The following CEP295 variants were observed in gnomAD, a reference collection of about 807,000 sequenced individuals.
The protein encoded by CEP295 is centrosomal protein of 295 kDa.
A neutral mutation model predicts 291.6 loss-of-function variants in CEP295; 190 were observed. That is an observed-to-expected ratio of 0.65 (90% CI 0.58 to 0.73). The LOEUF is 0.73. Among genes scored for constraint, CEP295 ranks in the 30% least tolerant of loss-of-function variants. The pLI is 0.00. For synonymous variants in CEP295, 993 were observed against 1,038.8 expected, an observed-to-expected ratio of 0.96 and a Z score of 0.85; for missense variants, 2,863 against 2,949.4, an observed-to-expected ratio of 0.97 and a Z score of 0.68.
In CEP295 at chr11:93,684,146, C is replaced by A; in HGVS notation, c.1114+18C>A. The stretch of plus-strand genomic sequence containing the variant: ...AACAGATGGTAAAAACCCTTCTGAG[C>A]TAAATATTACAGTATTTCACAGAAA... On this transcript the variant is annotated intron_variant, in intron 9 of 29. Coordinates refer to ENST00000325212, the MANE Select transcript of CEP295 (RefSeq NM_033395.2). 1 of 1,540,360 alleles carries A rather than the reference C, an allele frequency of 6.5e-7. No individual in the cohort carries two copies. The highest frequency in any genetic ancestry group is 8.8e-7 in the Non-Finnish European group (1 of 1,141,750).
At chr11:93,727,751 C>A in intron 24 of CEP295, 114 bp downstream of exon 24, 1 of 826,080 alleles carries the variant, frequency 1.2e-6, no homozygotes, top group Non-Finnish European at 1.9e-6. Flanking sequence ...TGAACTCAAA[C>A]TCCTAGGATC....
In CEP295 at chr11:93,699,993, T is replaced by A; in HGVS notation, c.5081T>A (p.Leu1694His). 1.3e-6 allele frequency: 2 copies of A among 1,551,736 alleles called. No homozygotes were observed. The highest frequency in any genetic ancestry group is 1.7e-6 in the Non-Finnish European group (2 of 1,147,000). The change falls in exon 15 of 30, where the codon CTT (leucine) becomes CAT (histidine). Residue 1694 changes from leucine to histidine, a missense_variant. Leu to His is a moderately conservative substitution (Grantham distance 99). Transcript: ENST00000325212. ...NPVIPGFQDRLLSFSQSVLTQ... is the reference protein window; with the variant it reads ...NPVIPGFQDRHLSFSQSVLTQ... ...GTGATCCCAGGGTTTCAAGATAGAC[T>A]TTTGAGTTTTTCACAGTCTGTCTTA...
chr11:93,688,297 GT>G (rs1306928256), intron 10 of CEP295, among the ~76,000 whole-genome samples: 2 of 152,132 alleles, frequency 1.3e-5, no homozygotes, highest in African/African-American at 4.8e-5. Context: ...TAGGTATTTA[GT>G]TTCTTATTTG....
rs1952238539 is a variant in CEP295 at position 93,702,584 on chromosome 11, A to G, written c.5399A>G (p.Asn1800Ser). The G allele has an allele frequency of 7.1e-6, 11 of 1,551,126 alleles. No individual in the cohort carries two copies. Among genetic ancestry groups the G allele is most frequent in the Non-Finnish European group, 9.6e-6 (11 of 1,146,798 alleles). ...GAAAATATTAGGCATGCAGATAGGA[A>G]CAACTCTGATGATAATCATTTGGCT... Reference protein sequence around the residue: ...DQENIRHADRNNSDDNHLASE... With the variant: ...DQENIRHADRSNSDDNHLASE... Residue 1800 changes from asparagine to serine, a missense_variant, in exon 16 of 30, where the codon AAC (asparagine) becomes AGC (serine). Transcript: ENST00000325212.
intron 18 of CEP295, among the ~76,000 whole-genome samples, chr11:93,710,936 C>T (rs924124276): frequency 6.6e-6 from 1 of 152,134 alleles, no homozygotes; most frequent in African/African-American, 2.4e-5. Flanking sequence ...CTTTAAATTT[C>T]TGCAGTATCT....
chr11:93,692,181 C>T (rs1039804838), intron 12 of CEP295, among the ~76,000 whole-genome samples, 151 bp downstream of exon 12: 2 of 152,260 alleles, frequency 1.3e-5, no homozygotes, highest in South Asian at 2.1e-4. Context: ...TGATAAAATG[C>T]GTGTTGTCTT....
At chr11:93,691,451 A>G (rs1350124822) in intron 10 of CEP295, among the ~76,000 whole-genome samples, 1 of 152,200 alleles carries the variant, frequency 6.6e-6, no homozygotes, top group African/African-American at 2.4e-5. Flanking sequence ...CAGCGTATCT[A>G]TTAAATCAGT....
At chr11:93,692,101 T>C in intron 12 of CEP295, 71 bp downstream of exon 12, 1 of 830,992 alleles carries the variant, frequency 1.2e-6, no homozygotes, top group Non-Finnish European at 1.9e-6. Context: ...GTTTGGCCAA[T>C]GAAATTTGTC....
In CEP295 at chr11:93,699,479, C is replaced by G; in HGVS notation, c.4567C>G (p.Gln1523Glu). Residue 1523 changes from glutamine to glutamate, a missense_variant, in exon 15 of 30, where the codon CAG becomes GAG. By Grantham distance (29) the Gln-to-Glu change is conservative (BLOSUM62 2). Transcript: ENST00000325212. ...DTQKKAIRSI[Q>E]EVQEELLLQR... The stretch of plus-strand genomic sequence containing the variant: ...ACAGAAGAAAGCCATTCGATCTATA[C>G]AGGAAGTCCAAGAAGAATTGCTTTT... 1 of 1,551,744 alleles carries G rather than the reference C, an allele frequency of 6.4e-7. No individual in the cohort carries two copies. The highest frequency in any genetic ancestry group is 8.7e-7 in the Non-Finnish European group (1 of 1,147,000).
chr11:93,714,275 G>A lies in CEP295; in HGVS notation c.5750-7037G>A, dbSNP rs193284840. ...TTTCTTTCTTTTCTTTTTTTGAGAC[G>A]GAGTCTTGTTCTGTCTCCAGGCTGG... On this transcript the variant is annotated intron_variant, in intron 18 of 29. Coordinates refer to ENST00000325212, the MANE Select transcript of CEP295 (RefSeq NM_033395.2). Among the ~76,000 whole-genome samples, 566 of 152,096 alleles carry A rather than the reference G, an allele frequency of 3.7e-3. 3 individuals are homozygous for A. The highest frequency in any genetic ancestry group is 0.01 in the Middle Eastern group (3 of 294).
In CEP295 at chr11:93,687,691, A is replaced by G. The variant is rs1951313561; in HGVS notation, c.1162A>G (p.Lys388Glu). 6.5e-7 allele frequency: 1 copy of G among 1,543,116 alleles called. No individual in the cohort carries two copies. Among genetic ancestry groups the G allele is most frequent in the Admixed American group, 2.0e-5 (1 of 50,740 alleles). Residue 388 changes from lysine to glutamate, a missense_variant, in exon 10 of 30, where the codon AAA (lysine) becomes GAA (glutamate). Transcript: ENST00000325212. Reference sequence around the variant, plus strand: ...ACAGATTCCTTCAAAAGTTCTTTTTAAAAAATTATTAAATAAGATCCGAAG... The same window carrying G: ...ACAGATTCCTTCAAAAGTTCTTTTTGAAAAATTATTAAATAAGATCCGAAG... ...TQQIPSKVLF[K>E]KLLNKIRSQK...
At chr11:93,671,837 A>T (rs191880238) in intron 5 of CEP295, among the ~76,000 whole-genome samples, 197 of 152,270 alleles carry the variant, frequency 1.3e-3, no homozygotes, top group African/African-American at 4.4e-3. Context: ...CTGTTTCTCC[A>T]AGCAGATAAA....
At position 93,683,599 on chromosome 11, in the gene CEP295, A is replaced by G. The variant is rs1213991579; in HGVS notation, c.806A>G (p.Gln269Arg). The G allele has an allele frequency of 1.3e-6, 2 of 1,537,158 alleles. No individual in the cohort carries two copies. Among genetic ancestry groups the G allele is most frequent in the Admixed American group, 2.2e-5 (1 of 45,758 alleles). The change falls in exon 8 of 30, where the codon CAA becomes CGA. Residue 269 changes from glutamine to arginine, a missense_variant. Physicochemically the swap from Gln to Arg is conservative, Grantham distance 43. Around this residue, in one of 3 missense-constraint regions of CEP295, gnomAD observed 554 missense variants for 576.0 expected, o/e 0.96. Transcript: ENST00000325212. ...KLMKELKQLQ[Q>R]EDLARRRQTV... is the part of the protein sequence containing the mutation. ...ATGAAAGAACTCAAACAGCTACAGC[A>G]AGAGGACCTGGCACGTAGGAGACAG...
rs1953807570 is a variant in CEP295, at chr11:93,722,420, C to T, written c.5947+370C>T. On this transcript the variant is annotated intron_variant, in intron 20 of 29. Transcript: ENST00000325212. ...AAGGCTGCAATGAGCCACAATCACG[C>T]CACTGCACTCCAGCCTGAGCAACAT... 6.3e-5 allele frequency: 12 copies of T among 191,710 alleles called. No individual in the cohort carries two copies. The South Asian group carries it at 1.1e-3, about 18-fold the overall frequency. The allele number at this position is 191,710 out of a possible 1,614,324, so 11.9% of individuals were successfully genotyped here. A position where few individuals can be genotyped will look rare whatever the true frequency, so the allele number is the denominator to read the frequency against.
In CEP295 at chr11:93,696,852, A is replaced by G; in HGVS notation, c.1940A>G (p.Gln647Arg). 6.4e-7 allele frequency: 1 copy of G among 1,551,774 alleles called. No individual in the cohort carries two copies. Among genetic ancestry groups the G allele is most frequent in the Non-Finnish European group, 8.7e-7 (1 of 1,146,968 alleles). Residue 647 changes from glutamine to arginine, a missense_variant, in exon 15 of 30, where the codon CAA becomes CGA. Coordinates refer to ENST00000325212, the MANE Select transcript of CEP295 (RefSeq NM_033395.2). ...RPTAISEHWD[Q>R]GQRLKLSPNK... ...ACTGCTATATCAGAGCATTGGGATCAAGGTCAGAGACTCAAGTTGAGTCCT... is the reference window on the plus strand; with the variant it reads ...ACTGCTATATCAGAGCATTGGGATCGAGGTCAGAGACTCAAGTTGAGTCCT...
Position 93,698,775 on chromosome 11 carries a change from C to T in CEP295, c.3863C>T (p.Ser1288Leu). The T allele has an allele frequency of 6.4e-7, 1 of 1,551,704 alleles. No individual in the cohort carries two copies. The highest frequency in any genetic ancestry group is 8.7e-7 in the Non-Finnish European group (1 of 1,146,990). Reference protein sequence around the residue: ...QENTSSEQTGSSSFIPQLVQL... With the variant: ...QENTSSEQTGLSSFIPQLVQL... The stretch of plus-strand genomic sequence containing the variant: ...AATACATCTTCTGAACAAACTGGTT[C>T]ATCTTCATTCATACCCCAGTTGGTA... Residue 1288 changes from serine (S) to leucine (L), a missense_variant, in exon 15 of 30, where the codon TCA (serine) becomes TTA (leucine). By Grantham distance (145) the Ser-to-Leu change is moderately radical (BLOSUM62 -2). Coordinates refer to ENST00000325212, the MANE Select transcript of CEP295 (RefSeq NM_033395.2).
intron 1 of CEP295, among the ~76,000 whole-genome samples, chr11:93,662,856 A>T (rs1042455040): frequency 6.6e-6 from 1 of 152,270 alleles, no homozygotes; most frequent in Non-Finnish European, 1.5e-5. Flanking sequence ...GGTGGACATC[A>T]TCTTAACCAA....
chr11:93,669,299 A>AT (rs1950324639), intron 4 of CEP295, among the ~76,000 whole-genome samples: 1 of 151,998 alleles, frequency 6.6e-6, no homozygotes, highest in South Asian at 2.1e-4. Flanking sequence ...AGTCATTAGT[A>AT]TTTTTTGCAT....
At position 93,699,825 on chromosome 11, in the gene CEP295, C is replaced by T. The variant is rs1952041415; in HGVS notation, c.4913C>T (p.Ala1638Val). ...AGAAAGTTGAACAAAAGTGAATCTG[C>T]TGAGCATACTATCCCCTCTTTGTTT... ...KQRKLNKSES[A>V]EHTIPSLFLP... Residue 1638 changes from alanine (A) to valine (V), a missense_variant, in exon 15 of 30, where the codon GCT becomes GTT. By Grantham distance (64) the Ala-to-Val change is moderately conservative. Coordinates refer to ENST00000325212, the MANE Select transcript of CEP295 (RefSeq NM_033395.2). 2 of 1,552,146 alleles carry T rather than the reference C, an allele frequency of 1.3e-6. No homozygotes were observed. The highest frequency in any genetic ancestry group is 1.7e-6 in the Non-Finnish European group (2 of 1,147,138).
Sources: gnomAD v4.1 joint callset for allele counts (sites outside exome capture counted in the v4.1 genomes callset) on GRCh38, gnomAD v4.1.1 for gene constraint, gnomAD v4.1.1 regional missense constraint, MANE v1.5 for transcripts, NCBI Gene and HGNC (gene_info 2026-07-23, HGNC 2026-07-21) for gene names.